The following POLR3K variants were observed in gnomAD, a reference collection of about 807,000 sequenced individuals.
The protein encoded by POLR3K is RNA polymerase III subunit K.
POLR3K carries 11 observed loss-of-function variants against 13.5 expected under a neutral mutation model. That is an observed-to-expected ratio of 0.81 (90% CI 0.51 to 1.35). The LOEUF (loss-of-function observed/expected upper bound fraction) is 1.35. Among genes scored for constraint, POLR3K ranks in the 40% most tolerant of loss-of-function variants. The probability of loss-of-function intolerance (pLI) is 0.00; values close to 1 mark genes in which losing one functional copy is unlikely to be tolerated. For synonymous variants in POLR3K, 56 were observed against 51.5 expected, an observed-to-expected ratio of 1.09 and a Z score of -0.38; for missense variants, 144 against 145.3, an observed-to-expected ratio of 0.99 and a Z score of 0.05.
chr16:53,397 G>T (rs1467549040), intron 1 of POLR3K, 79 bp downstream of exon 1: 2 of 1,502,288 alleles, frequency 1.3e-6, no homozygotes, highest in Non-Finnish European at 1.8e-6. Context: ...GCCGGGGCTG[G>T]CGGCGATGGA....
At chr16:50,316 C>T (rs1897320972) in intron 2 of POLR3K, among the ~76,000 whole-genome samples, 1 of 151,984 alleles carries the variant, frequency 6.6e-6, no homozygotes, top group Non-Finnish European at 1.5e-5. Flanking sequence ...TCTCTCTCAC[C>T]TCTCAATATA....
At chr16:49,928 G>A (rs747757788) in intron 2 of POLR3K, among the ~76,000 whole-genome samples, 26 of 151,674 alleles carry the variant, frequency 1.7e-4, no homozygotes, top group Non-Finnish European at 1.8e-4. Context: ...GTGAGCCACC[G>A]TGCCAGCTGC....
intron 1 of POLR3K, among the ~76,000 whole-genome samples, chr16:52,446 C>CAAAAAAAAAAAAAAAA (rs767411954): frequency 5.4e-5 from 4 of 74,196 alleles, no homozygotes; most frequent in Admixed American, 3.1e-4. Context: ...GACTCTGTCT[C>CAAAAAAAAAAAAAAAA]AAAAAAAAAA....
At chr16:47,642 G>C in intron 2 of POLR3K, 85 bp from the exon 3 acceptor site, 1 of 1,443,428 alleles carries the variant, frequency 6.9e-7, no homozygotes. Context: ...TAATATGTGG[G>C]AGGCCAAGGC....
chr16:49,641 T>C (rs1435793255), intron 2 of POLR3K, among the ~76,000 whole-genome samples: 1 of 129,924 alleles, frequency 7.7e-6, no homozygotes, highest in Non-Finnish European at 1.7e-5. Context: ...GGCTAATTTG[T>C]TTTTTTTTTT....
intron 2 of POLR3K, among the ~76,000 whole-genome samples, chr16:50,810 C>A (rs949464071): frequency 1.3e-4 from 20 of 152,346 alleles, no homozygotes; most frequent in African/African-American, 4.8e-4. Flanking sequence ...AGGCGTGAGC[C>A]ACGACACCCA....
At chr16:48,410 G>A (rs1596456813) in intron 2 of POLR3K, among the ~76,000 whole-genome samples, 1 of 152,180 alleles carries the variant, frequency 6.6e-6, no homozygotes, top group East Asian at 1.9e-4. Context: ...GAAGGTGACT[G>A]TTTTGGTCCA....
Position 47,261 on chromosome 16 carries a change from G to A in POLR3K, c.*169C>T, listed in dbSNP as rs548905338. 1.6e-4 allele frequency: 121 copies of A among 775,046 alleles called. No individual in the cohort carries two copies. In the African/African-American group the frequency reaches 1.9e-3, roughly 12 times the overall value. The allele number at this position is 775,046 out of a possible 1,614,324, so 48.0% of individuals were successfully genotyped here. The stretch of plus-strand genomic sequence containing the variant: ...AGACATTCATGACTTCATCCACCCT[G>A]CCTGGCAGATAGGCCATATTTCCTG... On this transcript the variant is annotated 3_prime_UTR_variant, in exon 3 of 3. Transcript: ENST00000293860.
chr16:50,356 C>A (rs1897321358), intron 2 of POLR3K, among the ~76,000 whole-genome samples: 1 of 152,194 alleles, frequency 6.6e-6, no homozygotes, highest in African/African-American at 2.4e-5. Context: ...CCTTTCCTCT[C>A]CTGGCCACAT....
intron 2 of POLR3K, among the ~76,000 whole-genome samples, chr16:48,684 G>A (rs1897304859): frequency 6.6e-6 from 1 of 151,786 alleles, no homozygotes; most frequent in Admixed American, 6.6e-5. Flanking sequence ...GGTGTCGGGT[G>A]CCTGCAGTCC....
chr16:48,505 G>A (rs572187794), intron 2 of POLR3K, among the ~76,000 whole-genome samples: 1 of 152,312 alleles, frequency 6.6e-6, no homozygotes, highest in Non-Finnish European at 1.5e-5. Context: ...GGAAAAGCCT[G>A]CATTGTCAAG....
chr16:51,878 G>A (rs531347184), intron 1 of POLR3K: 66 of 375,692 alleles, frequency 1.8e-4, no homozygotes, highest in South Asian at 9.0e-4. Context: ...AAATTAGCCC[G>A]GCGTGTTGGC....
At chr16:50,491 T>C (rs563979450) in intron 2 of POLR3K, among the ~76,000 whole-genome samples, 2 of 152,318 alleles carry the variant, frequency 1.3e-5, no homozygotes, top group South Asian at 4.1e-4. Flanking sequence ...CTGCTATGAA[T>C]ACCTGAGACT....
At chr16:53,317 T>A in intron 1 of POLR3K, 159 bp downstream of exon 1, 1 of 1,340,406 alleles carries the variant, frequency 7.5e-7, no homozygotes, top group Non-Finnish European at 9.8e-7. Flanking sequence ...TCTGAGTGTA[T>A]TGGAAAGTAG....
At chr16:47,711 A>G (rs571202802) in intron 2 of POLR3K, among the ~76,000 whole-genome samples, 154 bp from the exon 3 acceptor site, 74 of 151,352 alleles carry the variant, frequency 4.9e-4, no homozygotes, top group African/African-American at 1.7e-3. Flanking sequence ...GTGAAACCCC[A>G]TCTCTACTAA....
intron 2 of POLR3K, among the ~76,000 whole-genome samples, chr16:49,434 T>C (rs577008352): frequency 1.3e-5 from 2 of 152,018 alleles, no homozygotes; most frequent in Non-Finnish European, 2.9e-5. Flanking sequence ...TTGAGAAACT[T>C]ATCCTACACC....
chr16:47,318 C>A lies in POLR3K; in HGVS notation c.*112G>T. ...TGGCTCTTCACCTCAAAAGGTTTAT[C>A]TTTCCACCACACTAGCAAAGACCCT... On this transcript the variant is annotated 3_prime_UTR_variant, in exon 3 of 3. Coordinates refer to ENST00000293860, the MANE Select transcript of POLR3K (RefSeq NM_016310.5). 1 of 1,393,322 alleles carries A rather than the reference C, an allele frequency of 7.2e-7. No individual in the cohort carries two copies. The highest frequency in any genetic ancestry group is 1.4e-5 in the South Asian group (1 of 71,414). 86.3% of individuals were successfully genotyped at this position (1,393,322 alleles called of 1,614,324 possible). A position where few individuals can be genotyped will look rare whatever the true frequency, so the allele number is the denominator to read the frequency against.
At chr16:53,225 T>C (rs1596458945) in intron 1 of POLR3K, 1 of 657,380 alleles carries the variant, frequency 1.5e-6, no homozygotes. Flanking sequence ...TTTAAGGAAA[T>C]CACCGTGGCC....
At chr16:51,810 A>C in intron 1 of POLR3K, 165 bp from the exon 2 acceptor site, 2 of 557,136 alleles carry the variant, frequency 3.6e-6, no homozygotes, top group Non-Finnish European at 6.5e-6. Flanking sequence ...CACGAGGTCA[A>C]GAGATCGAGA....
Sources: gnomAD v4.1 joint callset for allele counts (sites outside exome capture counted in the v4.1 genomes callset) on GRCh38, gnomAD v4.1.1 for gene constraint, MANE v1.5 for transcripts, NCBI Gene and HGNC (gene_info 2026-07-23, HGNC 2026-07-21) for gene names.